Variants in MTUS2 observed in about 807,000 individuals in gnomAD.
MTUS2 encodes the protein microtubule-associated tumor suppressor candidate 2.
MTUS2 carries 40 observed loss-of-function variants against 114.1 expected under a neutral mutation model. That is an observed-to-expected ratio of 0.35 (90% CI 0.27 to 0.46). The LOEUF is 0.46. Among genes scored for constraint, MTUS2 ranks in the 20% least tolerant of loss-of-function variants. The probability of loss-of-function intolerance (pLI) is 1.00; values close to 1 mark genes in which losing one functional copy is unlikely to be tolerated. For synonymous variants in MTUS2, 688 were observed against 672.0 expected, an observed-to-expected ratio of 1.02 and a Z score of -0.37; for missense variants, 1,679 against 1,705.4, an observed-to-expected ratio of 0.98 and a Z score of 0.27.
At chr13:29,179,143 AAT>A (rs902711454) in intron 5 of MTUS2, among the ~76,000 whole-genome samples, 55 of 152,332 alleles carry the variant, frequency 3.6e-4, no homozygotes, top group Middle Eastern at 3.4e-3. Context: ...AATATAGAGT[AAT>A]AGATGGATGT....
chr13:28,954,044 G>T (rs604014), intron 2 of MTUS2, among the ~76,000 whole-genome samples: 137,059 of 152,238 alleles, frequency 0.9, 62,315 homozygotes, highest in South Asian at 0.99. Context: ...ATAAGTAAAA[G>T]TTTAAAATAT....
chr13:28,870,845 C>A (rs1877575788), intron 2 of MTUS2, among the ~76,000 whole-genome samples: 2 of 152,120 alleles, frequency 1.3e-5, no homozygotes, highest in Admixed American at 1.3e-4. Context: ...CCCAGTTGTT[C>A]AGTTTTAGTT....
chr13:29,043,960 A>G (rs1385421832), intron 4 of MTUS2, among the ~76,000 whole-genome samples: 1 of 152,152 alleles, frequency 6.6e-6, no homozygotes, highest in East Asian at 1.9e-4. Context: ...AATCTATACT[A>G]CATTGTTATT....
At chr13:28,833,376 T>C (rs1024192520) in intron 1 of MTUS2, among the ~76,000 whole-genome samples, 21 of 152,094 alleles carry the variant, frequency 1.4e-4, no homozygotes, top group African/African-American at 5.1e-4. Context: ...CTAAGTGGGA[T>C]TTATCTGAGG....
At chr13:29,438,274 A>T (rs1311678627) in intron 8 of MTUS2, among the ~76,000 whole-genome samples, 2 of 152,222 alleles carry the variant, frequency 1.3e-5, no homozygotes, top group East Asian at 3.8e-4. Flanking sequence ...GAAAACAAGG[A>T]TGCTATGGGC....
chr13:29,071,584 G>T (rs1265923660), intron 4 of MTUS2, among the ~76,000 whole-genome samples: 1 of 151,034 alleles, frequency 6.6e-6, no homozygotes, highest in Admixed American at 6.6e-5. Flanking sequence ...GTGCCACCAT[G>T]CCCGGCTAAT....
At chr13:29,104,042 A>G (rs1040782312) in intron 5 of MTUS2, among the ~76,000 whole-genome samples, 4 of 152,096 alleles carry the variant, frequency 2.6e-5, no homozygotes, top group East Asian at 3.9e-4. Flanking sequence ...CCCCCTGGAC[A>G]TGAGATGGCA....
intron 5 of MTUS2, among the ~76,000 whole-genome samples, chr13:29,109,767 G>A (rs1890810544): frequency 6.6e-6 from 1 of 152,186 alleles, no homozygotes; most frequent in African/African-American, 2.4e-5. Context: ...GGCCATGTGT[G>A]TAAGGATTCA....
chr13:29,046,335 C>T (rs558508017), intron 4 of MTUS2, among the ~76,000 whole-genome samples: 11 of 152,200 alleles, frequency 7.2e-5, no homozygotes, highest in African/African-American at 1.9e-4. Flanking sequence ...AGGCTGGTCT[C>T]GAACTCCTGA....
At chr13:28,982,481 CAT>C (rs1000693330) in intron 2 of MTUS2, among the ~76,000 whole-genome samples, 44 of 152,278 alleles carry the variant, frequency 2.9e-4, no homozygotes, top group Non-Finnish European at 5.4e-4. Context: ...AAAAATCAAA[CAT>C]AGAATTATCA....
chr13:29,387,321 T>C (rs1872692146), intron 8 of MTUS2, among the ~76,000 whole-genome samples: 1 of 152,078 alleles, frequency 6.6e-6, no homozygotes, highest in African/African-American at 2.4e-5. Context: ...ATGATGCGGA[T>C]TGCAAGTGGC....
intron 3 of MTUS2, among the ~76,000 whole-genome samples, chr13:29,030,598 A>T (rs9506076): frequency 0.93 from 141,043 of 152,192 alleles, 65,792 homozygotes; most frequent in South Asian, 0.98. Flanking sequence ...TGCAGGGAGA[A>T]AAAACAGCCG....
At chr13:28,948,126 G>C (rs1221142770) in intron 2 of MTUS2, among the ~76,000 whole-genome samples, 2 of 152,064 alleles carry the variant, frequency 1.3e-5, no homozygotes, top group Non-Finnish European at 2.9e-5. Context: ...TTTTTCACTA[G>C]CAAAATAATT....
chr13:28,958,580 C>T (rs1883179001), intron 2 of MTUS2, among the ~76,000 whole-genome samples: 1 of 152,152 alleles, frequency 6.6e-6, no homozygotes, highest in African/African-American at 2.4e-5. Context: ...AGGCTGCACG[C>T]TGGTAAAAGT....
rs1566173518 is a variant in MTUS2 at position 29,389,547 on chromosome 13, GTATACACGTGTGTA to G, written c.3117+30078_3117+30091del. Among the ~76,000 whole-genome samples, 9 of 95,152 alleles carry G rather than the reference GTATACACGTGTGTA, an allele frequency of 9.5e-5. 2 individuals are homozygous for G. Among genetic ancestry groups the G allele is most frequent in the African/African-American group, 4.0e-4 (9 of 22,588 alleles). 62.4% of individuals were successfully genotyped at this position (95,152 alleles called of 152,430 possible). ...TATATATGTATACACGTGTGTATAT[GTATACACGTGTGTA>G]TATGTGTACATATGTGTGTATACGT... On this transcript the variant is annotated intron_variant, in intron 8 of 15. Transcript: ENST00000612955.
rs1265045436 is a variant in MTUS2, at chr13:28,820,593, T to TAAA, written c.-334_-333insAAA. The TAAA allele has an allele frequency of 6.6e-6, 1 of 152,224 alleles. No individual in the cohort carries two copies. Among genetic ancestry groups the TAAA allele is most frequent in the East Asian group, 1.9e-4 (1 of 5,182 alleles). The allele number at this position is 152,224 out of a possible 1,614,324, so 9.4% of individuals were successfully genotyped here. Reference sequence around the variant, plus strand: ...TGGCCTCTTGGACATTACATCTTTCTTGGCTCTTTTTGACCCAGGTGAGCG... The same window carrying TAAA: ...TGGCCTCTTGGACATTACATCTTTCTAAATGGCTCTTTTTGACCCAGGTGAGCG... On this transcript the variant is annotated 5_prime_UTR_variant, in exon 1 of 16. In the 5' UTR this introduces an upstream ATG that the reference lacks. Coordinates refer to ENST00000612955, the MANE Select transcript of MTUS2 (RefSeq NM_001033602.4).
At chr13:28,960,501 C>A in intron 2 of MTUS2, among the ~76,000 whole-genome samples, 1 of 152,072 alleles carries the variant, frequency 6.6e-6, no homozygotes, top group East Asian at 1.9e-4. Flanking sequence ...TATCCTCATA[C>A]AATTGAATGT....
chr13:29,209,697 C>T (rs1895345071), intron 5 of MTUS2, among the ~76,000 whole-genome samples: 1 of 152,108 alleles, frequency 6.6e-6, no homozygotes, highest in Non-Finnish European at 1.5e-5. Context: ...AGCTTAGTTT[C>T]ATGAAATACA....
At chr13:29,294,547 G>A (rs1426021103) in intron 6 of MTUS2, among the ~76,000 whole-genome samples, 2 of 152,076 alleles carry the variant, frequency 1.3e-5, no homozygotes, top group African/African-American at 4.8e-5. Context: ...GGGCTCATAG[G>A]ACTTAGAAGT....
Sources: gnomAD v4.1 joint callset for allele counts (sites outside exome capture counted in the v4.1 genomes callset) on GRCh38, gnomAD v4.1.1 for gene constraint, MANE v1.5 for transcripts, NCBI Gene and HGNC (gene_info 2026-07-23, HGNC 2026-07-21) for gene names.